The following FAM53B variants were observed in gnomAD, a reference collection of about 807,000 sequenced individuals.
FAM53B encodes the protein protein FAM53B.
Under a neutral mutation model 32.7 loss-of-function variants are expected in FAM53B, and 12 were observed. The ratio of observed to expected loss-of-function variants is 0.37; its 90% CI spans 0.24 to 0.59. The LOEUF is 0.59. FAM53B is among the 20% of genes least tolerant of loss of function. FAM53B has a pLI of 0.72. For missense variants in FAM53B, 477 were observed against 577.7 expected (o/e 0.83, Z 1.79); for synonymous variants, 234 against 228.7 (o/e 1.02, Z -0.21).
chr10:124,654,587 C>G (rs991459720), intron 4 of FAM53B, among the ~76,000 whole-genome samples: 1 of 152,356 alleles, frequency 6.6e-6, no homozygotes, highest in South Asian at 2.1e-4. Context: ...CCCCGTGGCC[C>G]TCCCTGCCCA....
intron 1 of FAM53B, among the ~76,000 whole-genome samples, chr10:124,711,016 G>C (rs554950408): frequency 6.6e-6 from 1 of 152,170 alleles, no homozygotes; most frequent in African/African-American, 2.4e-5. Flanking sequence ...ACAAATGTTT[G>C]TAACAGCCCT....
chr10:124,723,399 T>C (rs1950081872), intron 1 of FAM53B, among the ~76,000 whole-genome samples: 1 of 152,244 alleles, frequency 6.6e-6, no homozygotes, highest in African/African-American at 2.4e-5. Context: ...CAGCACCTCC[T>C]GATTCACGGA....
chr10:124,643,696 T>G (rs1474326645), intron 4 of FAM53B, among the ~76,000 whole-genome samples: 1 of 152,216 alleles, frequency 6.6e-6, no homozygotes, highest in Non-Finnish European at 1.5e-5. Context: ...CCCGGAGCTT[T>G]AGAGCCGCCA....
At chr10:124,634,702 C>T (rs536376689) in intron 4 of FAM53B, among the ~76,000 whole-genome samples, 164 of 152,160 alleles carry the variant, frequency 1.1e-3, no homozygotes, top group Non-Finnish European at 2.0e-3. Context: ...CTTATGGCAA[C>T]GTGAGGACGC....
At chr10:124,695,481 C>T (rs113219978) in intron 3 of FAM53B, among the ~76,000 whole-genome samples, 1 of 152,218 alleles carries the variant, frequency 6.6e-6, no homozygotes, top group Non-Finnish European at 1.5e-5. Context: ...GCCCTCCAGC[C>T]TGTCTATTCC....
chr10:124,642,374 T>C (rs1158332233), intron 4 of FAM53B, among the ~76,000 whole-genome samples: 3 of 152,042 alleles, frequency 2.0e-5, no homozygotes, highest in Non-Finnish European at 4.4e-5. Flanking sequence ...CCGGTGGTTG[T>C]GACAAAAGCA....
At chr10:124,636,472 G>A (rs1949432785) in intron 4 of FAM53B, among the ~76,000 whole-genome samples, 1 of 152,228 alleles carries the variant, frequency 6.6e-6, no homozygotes, top group Admixed American at 6.5e-5. Flanking sequence ...CCTGCATGTG[G>A]GTGGTTAGCC....
intron 4 of FAM53B, among the ~76,000 whole-genome samples, chr10:124,627,294 G>T (rs1280632584): frequency 6.6e-6 from 1 of 152,152 alleles, no homozygotes; most frequent in Non-Finnish European, 1.5e-5. Context: ...TGCCCTCCAT[G>T]CCCCGGGGCA....
chr10:124,659,315 T>C (rs1268872683), intron 4 of FAM53B, among the ~76,000 whole-genome samples: 1 of 152,246 alleles, frequency 6.6e-6, no homozygotes, highest in East Asian at 1.9e-4. Flanking sequence ...AGCAGCTTTA[T>C]TTAAAGGGAG....
chr10:124,682,383 G>A lies in FAM53B; in HGVS notation c.134-4C>T, dbSNP rs1172363907. 6.3e-7 allele frequency: 1 copy of A among 1,589,218 alleles called. No homozygotes were observed. The highest frequency in any genetic ancestry group is 8.6e-7 in the Non-Finnish European group (1 of 1,165,452). ...AGGTCTCGCCATCTGTCATTTTCTGGTTCATAAATGACAAGGAGAAAACAG... is the reference window on the plus strand; with the variant it reads ...AGGTCTCGCCATCTGTCATTTTCTGATTCATAAATGACAAGGAGAAAACAG... On this transcript the variant is annotated splice_polypyrimidine_tract_variant and splice_region_variant and intron_variant, in intron 3 of 4. Transcript: ENST00000337318. The surrounding 1 kb of genome is among the most constrained non-coding windows in gnomAD (Gnocchi z 5.2).
At chr10:124,679,458 GC>G (rs1949755292) in intron 4 of FAM53B, among the ~76,000 whole-genome samples, 1 of 152,184 alleles carries the variant, frequency 6.6e-6, no homozygotes, top group Non-Finnish European at 1.5e-5. Flanking sequence ...CGTTCTCAGG[GC>G]CCCACAGAAA....
intron 4 of FAM53B, among the ~76,000 whole-genome samples, chr10:124,646,214 C>A (rs930551610): frequency 6.6e-6 from 1 of 152,246 alleles, no homozygotes; most frequent in African/African-American, 2.4e-5. Flanking sequence ...AGCCCCATGT[C>A]ACTCCACATC....
chr10:124,648,893 A>G (rs1949538224), intron 4 of FAM53B, among the ~76,000 whole-genome samples: 3 of 152,204 alleles, frequency 2.0e-5, no homozygotes, highest in Admixed American at 2.0e-4. Flanking sequence ...GTCACTGGAG[A>G]GACTGGTGGT....
At chr10:124,706,152 G>A (rs576762429) in intron 2 of FAM53B, among the ~76,000 whole-genome samples, 1 of 152,318 alleles carries the variant, frequency 6.6e-6, no homozygotes, top group Admixed American at 6.5e-5. Flanking sequence ...GTGGTCCAGG[G>A]TGAACCACCT....
chr10:124,691,966 G>A (rs188958432), intron 3 of FAM53B, among the ~76,000 whole-genome samples: 155 of 152,324 alleles, frequency 1.0e-3, no homozygotes, highest in African/African-American at 3.5e-3. Flanking sequence ...GGGGTGGGCC[G>A]CACCACGGAG....
chr10:124,699,643 A>G (rs542413308), intron 2 of FAM53B, among the ~76,000 whole-genome samples: 1 of 152,228 alleles, frequency 6.6e-6, no homozygotes, highest in South Asian at 2.1e-4. Flanking sequence ...TGTCAGCAGC[A>G]CCCCAATTCT....
chr10:124,635,902 G>T (rs1949427719), intron 4 of FAM53B, among the ~76,000 whole-genome samples: 2 of 152,180 alleles, frequency 1.3e-5, no homozygotes, highest in African/African-American at 4.8e-5. Context: ...GGTATGTATT[G>T]CATGCTATTA....
At chr10:124,693,439 C>A (rs1463204888) in intron 3 of FAM53B, among the ~76,000 whole-genome samples, 1 of 150,326 alleles carries the variant, frequency 6.7e-6, no homozygotes, top group Non-Finnish European at 1.5e-5. Flanking sequence ...CACTGCCCTC[C>A]AGCCTGGCGA....
rs577803865 is a variant in FAM53B, at chr10:124,716,294, A to T, written c.-174-9407T>A. ...CACTACACAGCTTGAAAGAGACTTG[A>T]CCTGGGCCCCTGGCTGAACAAAGTG... On this transcript the variant is annotated intron_variant, in intron 1 of 4. Transcript: ENST00000337318. Among the ~76,000 whole-genome samples, 7 of 152,256 alleles carry T rather than the reference A, an allele frequency of 4.6e-5. No homozygotes were observed. The South Asian group carries it at 6.2e-4, about 14-fold the overall frequency.
Sources: allele counts gnomAD v4.1 joint callset (sites outside exome capture counted in the v4.1 genomes callset), GRCh38; gene constraint gnomAD v4.1.1; non-coding constraint Gnocchi (gnomAD v3.1); transcripts MANE v1.5; gene names NCBI Gene and HGNC (gene_info 2026-07-23, HGNC 2026-07-21).